Variants in SLC46A2 observed in about 807,000 individuals in gnomAD.
The protein encoded by SLC46A2 is solute carrier family 46 member 2.
SLC46A2 carries 25 observed loss-of-function variants against 33.1 expected under a neutral mutation model. The observed-to-expected ratio is 0.76, with a 90% CI of 0.55 to 1.06. The LOEUF (loss-of-function observed/expected upper bound fraction) is 1.06, where lower values mean the gene tolerates loss of function less well. SLC46A2 is among the 50% of genes least tolerant of loss of function. SLC46A2 has a pLI of 0.00. For synonymous variants in SLC46A2, 254 were observed against 275.9 expected, an observed-to-expected ratio of 0.92 and a Z score of 0.79; for missense variants, 622 against 621.7, an observed-to-expected ratio of 1.00 and a Z score of 0.00.
intron 1 of SLC46A2, 80 bp downstream of exon 1, chr9:112,889,473 C>G: frequency 6.8e-7 from 1 of 1,471,454 alleles, no homozygotes; most frequent in African/African-American, 1.4e-5. Flanking sequence ...CTAGGACACC[C>G]AGACCATGGC....
chr9:112,886,238 T>C (rs950939254), intron 3 of SLC46A2, among the ~76,000 whole-genome samples: 1 of 152,238 alleles, frequency 6.6e-6, no homozygotes, highest in Admixed American at 6.5e-5. Context: ...CAGTGCCTAA[T>C]GACCCTGTTT....
chr9:112,887,696 T>C (rs1841661542), intron 1 of SLC46A2, among the ~76,000 whole-genome samples: 1 of 151,996 alleles, frequency 6.6e-6, no homozygotes, highest in South Asian at 2.1e-4. Context: ...TGGAGTTGAG[T>C]GATTACTAGG....
At chr9:112,879,892 G>T (rs76724858) in intron 3 of SLC46A2, 73 bp from the exon 4 acceptor site, 50,844 of 1,393,280 alleles carry the variant, frequency 0.036, 1,041 homozygotes, top group Admixed American at 0.05. Context: ...CCCTCACAGG[G>T]TTAATGATAA....
At chr9:112,879,922 CA>C in intron 3 of SLC46A2, 103 bp from the exon 4 acceptor site, 1 of 1,072,906 alleles carries the variant, frequency 9.3e-7, no homozygotes. Flanking sequence ...AGGCTTTAGG[CA>C]AAATCATAGG....
chr9:112,886,734 C>T, intron 2 of SLC46A2, 118 bp from the exon 3 acceptor site: 364 of 947,208 alleles, frequency 3.8e-4, no homozygotes, highest in Non-Finnish European at 4.5e-4. Context: ...CTCTCTCTCT[C>T]TTTTTTTAGA....
intron 1 of SLC46A2, 73 bp downstream of exon 1, chr9:112,889,479 AT>A: frequency 6.7e-7 from 1 of 1,493,698 alleles, no homozygotes; most frequent in East Asian, 2.3e-5. Context: ...CACCCAGACC[AT>A]GGCATCCCTG....
Position 112,879,806 on chromosome 9 carries a change from T to C in SLC46A2, c.1384A>G (p.Lys462Glu). Reference protein sequence around the residue: ...AIIPISIVAYKQVPLSPYGDI... With the variant: ...AIIPISIVAYEQVPLSPYGDI... ...CCATATGGTGACAATGGGACTTGTT[T>C]ATAGGCCACGATGCTGTAAGAATTG... is the stretch of plus-strand genomic sequence containing the variant. The change falls in exon 4 of 4, where the codon AAA becomes GAA. Residue 462 changes from lysine (K) to glutamate (E), a missense_variant. Transcript: ENST00000374228. 6.2e-7 allele frequency: 1 copy of C among 1,613,174 alleles called. No homozygotes were observed. Among genetic ancestry groups the C allele is most frequent in the South Asian group, 1.1e-5 (1 of 90,990 alleles).
intron 2 of SLC46A2, among the ~76,000 whole-genome samples, chr9:112,887,123 G>A (rs1260825042): frequency 6.6e-6 from 1 of 152,160 alleles, no homozygotes; most frequent in Non-Finnish European, 1.5e-5. Flanking sequence ...ATCCTTCTTT[G>A]ACTGTGGCTT....
In SLC46A2 at chr9:112,890,324, G is replaced by A. The variant is rs1391085775; in HGVS notation, c.358C>T (p.Arg120Cys). 6.2e-7 allele frequency: 1 copy of A among 1,613,864 alleles called. No individual in the cohort carries two copies. The highest frequency in any genetic ancestry group is 8.5e-7 in the Non-Finnish European group (1 of 1,179,974). ...AGCACCTTGAGCAGCAGCCCGAGGC[G>A]GGAGAGCAGGAAGCCCAGCAGCGAC... is the stretch of plus-strand genomic sequence containing the variant. ...CMSLLGFLLS[R>C]LGLLLKVLLD... Residue 120 changes from arginine (R) to cysteine (C), a missense_variant, in exon 1 of 4, where the codon CGC (arginine) becomes TGC (cysteine). Transcript: ENST00000374228. The surrounding 1 kb of genome is among the most constrained non-coding windows in gnomAD (Gnocchi z 6.0).
intron 2 of SLC46A2, among the ~76,000 whole-genome samples, chr9:112,886,920 G>T (rs1201773866): frequency 6.6e-6 from 1 of 152,010 alleles, no homozygotes; most frequent in East Asian, 1.9e-4. Flanking sequence ...TAGAGATGGG[G>T]GTCTCACTAT....
chr9:112,887,279 T>C, intron 2 of SLC46A2, 51 bp downstream of exon 2: 1 of 1,572,694 alleles, frequency 6.4e-7, no homozygotes, highest in Non-Finnish European at 8.7e-7. Context: ...GCTTAGCAGC[T>C]CTGAAACAGC....
rs1007867831 is a variant in SLC46A2 at position 112,879,670 on chromosome 9, G to T, written c.*92C>A. ...TGGAACGCAGGTTTCTTAAGCAGTGGGTTGCTTAGGTCACCAGTTCCCTGG... is the reference window on the plus strand; with the variant it reads ...TGGAACGCAGGTTTCTTAAGCAGTGTGTTGCTTAGGTCACCAGTTCCCTGG... On this transcript the variant is annotated 3_prime_UTR_variant, in exon 4 of 4. Transcript: ENST00000374228. 8.3e-7 allele frequency: 1 copy of T among 1,201,036 alleles called. No individual in the cohort carries two copies. The highest frequency in any genetic ancestry group is 1.2e-6 in the Non-Finnish European group (1 of 820,516). 74.4% of individuals were successfully genotyped at this position (1,201,036 alleles called of 1,614,324 possible).
chr9:112,881,449 G>C (rs1841576139), intron 3 of SLC46A2: 1 of 152,322 alleles, frequency 6.6e-6, no homozygotes, highest in African/African-American at 2.4e-5. Context: ...GGAGAGTGAA[G>C]ACTTGGAAGC....
Position 112,890,774 on chromosome 9 carries a change from C to T in SLC46A2, c.-93G>A, listed in dbSNP as rs1827219970. On this transcript the variant is annotated 5_prime_UTR_variant, in exon 1 of 4. Coordinates refer to ENST00000374228, the MANE Select transcript of SLC46A2 (RefSeq NM_033051.4). This position sits in a 1 kb window ranked among gnomAD's most constrained non-coding sequence, Gnocchi z 6.0. Reference sequence around the variant, plus strand: ...CTGCTACGGCTGCTCAGGTTTCAGTCCCGGAGCGCGAGTGTGCTCCGTGCG... The same window carrying T: ...CTGCTACGGCTGCTCAGGTTTCAGTTCCGGAGCGCGAGTGTGCTCCGTGCG... 1.4e-6 allele frequency: 2 copies of T among 1,439,528 alleles called. No individual in the cohort carries two copies. Among genetic ancestry groups the T allele is most frequent in the Non-Finnish European group, 1.9e-6 (2 of 1,080,676 alleles). The allele number at this position is 1,439,528 out of a possible 1,614,324, so 89.2% of individuals were successfully genotyped here. A position where few individuals can be genotyped will look rare whatever the true frequency, so the allele number is the denominator to read the frequency against.
At chr9:112,880,793 T>G (rs1013525002) in intron 3 of SLC46A2, among the ~76,000 whole-genome samples, 1 of 152,206 alleles carries the variant, frequency 6.6e-6, no homozygotes, top group Non-Finnish European at 1.5e-5. Context: ...AGACTGAAAT[T>G]TTTTTATCCA....
In SLC46A2 at chr9:112,890,612, G is replaced by T; in HGVS notation, c.70C>A (p.Pro24Thr). Residue 24 changes from proline to threonine, a missense_variant, in exon 1 of 4, where the codon CCC becomes ACC. Physicochemically the swap from Pro to Thr is conservative, Grantham distance 38. Transcript: ENST00000374228. This position sits in a 1 kb window ranked among gnomAD's most constrained non-coding sequence, Gnocchi z 6.0. Reference sequence around the variant, plus strand: ...GCCACCTGGGACGAGGCCACCACGGGCTCAACCCAGGTCCTCGGGTGGAAG... The same window carrying T: ...GCCACCTGGGACGAGGCCACCACGGTCTCAACCCAGGTCCTCGGGTGGAAG... ...PRFHPRTWVE[P>T]VVASSQVAAS... is the part of the protein sequence containing the mutation. 2 of 1,606,642 alleles carry T rather than the reference G, an allele frequency of 1.2e-6. No individual in the cohort carries two copies. The highest frequency in any genetic ancestry group is 1.7e-6 in the Non-Finnish European group (2 of 1,179,922).
At position 112,886,469 on chromosome 9, in the gene SLC46A2, A is replaced by G. The variant is rs1841643548; in HGVS notation, c.1361T>C (p.Ile454Thr). Reference sequence around the variant, plus strand: ...GCTGCTCCCATCCTACCTAATTGGAATGATGGCCAGGAAGGAGAGAAAGGA... The same window carrying G: ...GCTGCTCCCATCCTACCTAATTGGAGTGATGGCCAGGAAGGAGAGAAAGGA... ...LSSFLSFLAIIPISIVAYKQV... is the reference protein window; with the variant it reads ...LSSFLSFLAITPISIVAYKQV... Residue 454 changes from isoleucine (I) to threonine (T), a missense_variant, in exon 3 of 4, where the codon ATT becomes ACT. Ile to Thr is a moderately conservative substitution (Grantham distance 89). Transcript: ENST00000374228. 1.2e-6 allele frequency: 2 copies of G among 1,614,050 alleles called. No homozygotes were observed. Among genetic ancestry groups the G allele is most frequent in the Admixed American group, 3.3e-5 (2 of 60,012 alleles).
At chr9:112,887,946 T>TGTGTGTGAGA (rs1554760068) in intron 1 of SLC46A2, among the ~76,000 whole-genome samples, 5 of 139,382 alleles carry the variant, frequency 3.6e-5, no homozygotes, top group African/African-American at 1.4e-4. Context: ...TGTGTGTGTG[T>TGTGTGTGAGA]GAGAGAGAGA....
At chr9:112,888,532 A>G (rs1275137270) in intron 1 of SLC46A2, among the ~76,000 whole-genome samples, 1 of 152,238 alleles carries the variant, frequency 6.6e-6, no homozygotes, top group Admixed American at 6.5e-5. Context: ...ACAATGACAT[A>G]AAATTTAAAA....
Sources: gnomAD v4.1 joint callset for allele counts (sites outside exome capture counted in the v4.1 genomes callset) on GRCh38, gnomAD v4.1.1 for gene constraint, Gnocchi (gnomAD v3.1) non-coding constraint, MANE v1.5 for transcripts, NCBI Gene and HGNC (gene_info 2026-07-23, HGNC 2026-07-21) for gene names.